The following SOX6 variants were observed in gnomAD, a reference collection of about 807,000 sequenced individuals.
SOX6 encodes the protein transcription factor SOX-6.
SOX6 carries 11 observed loss-of-function variants against 97.8 expected under a neutral mutation model. The ratio of observed to expected loss-of-function variants is 0.11; its 90% CI spans 0.07 to 0.19. The LOEUF is 0.19. SOX6 is among the 10% of genes least tolerant of loss of function. The probability of loss-of-function intolerance (pLI) is 1.00; values close to 1 mark genes in which losing one functional copy is unlikely to be tolerated. For synonymous variants in SOX6, 360 were observed against 371.4 expected, an observed-to-expected ratio of 0.97 and a Z score of 0.35; for missense variants, 810 against 1,039.5, an observed-to-expected ratio of 0.78 and a Z score of 3.04.
chr11:16,567,733 AT>A (rs58565035), intron 4 of SOX6, among the ~76,000 whole-genome samples: 24 of 129,608 alleles, frequency 1.9e-4, no homozygotes, highest in East Asian at 1.1e-3. Context: ...CGCCTGGCTG[AT>A]TTTTTTTTTT....
chr11:16,080,438 C>A (rs186477764), intron 9 of SOX6, among the ~76,000 whole-genome samples: 1 of 152,146 alleles, frequency 6.6e-6, no homozygotes, highest in African/African-American at 2.4e-5. Flanking sequence ...AACAATAGAA[C>A]CTACTCTGAA....
chr11:16,250,288 C>CTTT lies in SOX6; in HGVS notation c.446-15620_446-15618dup, dbSNP rs10644787. On this transcript the variant is annotated intron_variant, in intron 3 of 15. Coordinates refer to ENST00000683767, the MANE Select transcript of SOX6 (RefSeq NM_001367873.1). ...ACATAATTGCAAGCCACGGCCTTGC[C>CTTT]TTTTTTAGAATAATAGAATATCAAG... is the stretch of plus-strand genomic sequence containing the variant. Among the ~76,000 whole-genome samples, 12 of 151,506 alleles carry CTTT rather than the reference C, an allele frequency of 7.9e-5. No individual in the cohort carries two copies. The East Asian group carries it at 2.1e-3, about 27-fold the overall frequency.
intron 3 of SOX6, among the ~76,000 whole-genome samples, chr11:16,713,032 T>C (rs1308361568): frequency 6.6e-6 from 1 of 152,126 alleles, no homozygotes; most frequent in Non-Finnish European, 1.5e-5. Flanking sequence ...AATAAAAAAC[T>C]GAGATCCAGA....
intron 2 of SOX6, among the ~76,000 whole-genome samples, chr11:16,720,890 C>A (rs530981294): frequency 1.3e-5 from 2 of 152,148 alleles, no homozygotes; most frequent in East Asian, 3.9e-4. Context: ...AGTAACTTTT[C>A]GAAGTTGAGA....
At chr11:16,217,853 G>A (rs1019300255) in intron 4 of SOX6, among the ~76,000 whole-genome samples, 1 of 151,956 alleles carries the variant, frequency 6.6e-6, no homozygotes, top group Non-Finnish European at 1.5e-5. Flanking sequence ...TCCCATGATT[G>A]ACAAACAGAT....
chr11:16,423,828 T>A (rs1427588694), intron 1 of SOX6, among the ~76,000 whole-genome samples: 5 of 151,916 alleles, frequency 3.3e-5, no homozygotes, highest in Non-Finnish European at 7.4e-5. Context: ...AAGTACAGAG[T>A]GAAAACAGCA....
chr11:16,107,098 A>G (rs549139386), intron 7 of SOX6, among the ~76,000 whole-genome samples: 2 of 152,180 alleles, frequency 1.3e-5, no homozygotes, highest in African/African-American at 2.4e-5. Context: ...AACAAGTGTT[A>G]GCAACAATGT....
At chr11:16,514,818 T>A (rs948663137) in intron 4 of SOX6, among the ~76,000 whole-genome samples, 1 of 151,522 alleles carries the variant, frequency 6.6e-6, no homozygotes, top group Non-Finnish European at 1.5e-5. Context: ...GTGCTTGCGA[T>A]AGTTTACTGA....
At chr11:16,661,053 A>G (rs1847762423) in intron 3 of SOX6, among the ~76,000 whole-genome samples, 1 of 152,218 alleles carries the variant, frequency 6.6e-6, no homozygotes, top group South Asian at 2.1e-4. Flanking sequence ...TGTGTTAAAG[A>G]TTCCAACAAT....
intron 1 of SOX6, among the ~76,000 whole-genome samples, chr11:16,433,868 T>A (rs1859318521): frequency 1.3e-5 from 2 of 152,108 alleles, no homozygotes; most frequent in African/African-American, 4.8e-5. Context: ...TGTATATATG[T>A]TGTAGCTAAT....
intron 4 of SOX6, among the ~76,000 whole-genome samples, chr11:16,202,472 C>A (rs1851966886): frequency 6.6e-6 from 1 of 151,922 alleles, no homozygotes; most frequent in Non-Finnish European, 1.5e-5. Flanking sequence ...GAATAAATTC[C>A]ACGAAAAAAA....
chr11:16,714,757 T>C (rs1000313348), intron 3 of SOX6: 1 of 151,688 alleles, frequency 6.6e-6, no homozygotes, highest in African/African-American at 2.4e-5. Flanking sequence ...GCCGTTGTCT[T>C]TTAATTTTCA....
intron 3 of SOX6, among the ~76,000 whole-genome samples, chr11:16,235,954 G>C (rs528372310): frequency 6.6e-6 from 1 of 152,094 alleles, no homozygotes; most frequent in Non-Finnish European, 1.5e-5. Context: ...ATCCAGATCA[G>C]TGTGTTGTAA....
chr11:16,287,605 T>C (rs956538960), intron 3 of SOX6, among the ~76,000 whole-genome samples: 1 of 152,126 alleles, frequency 6.6e-6, no homozygotes, highest in Non-Finnish European at 1.5e-5. Flanking sequence ...ATTCAATACA[T>C]TAATCATTAA....
At chr11:16,639,864 A>C (rs1237822910) in intron 3 of SOX6, among the ~76,000 whole-genome samples, 1 of 152,170 alleles carries the variant, frequency 6.6e-6, no homozygotes, top group East Asian at 1.9e-4. Flanking sequence ...AACAGGGACA[A>C]TTTGACTTCC....
chr11:15,992,057 C>T (rs1043408461), intron 13 of SOX6, among the ~76,000 whole-genome samples: 6 of 152,184 alleles, frequency 3.9e-5, no homozygotes, highest in African/African-American at 1.4e-4. Flanking sequence ...TTCTCTGGGA[C>T]TCACATGTAA....
At chr11:16,460,397 CAGA>C (rs1395856766) in intron 1 of SOX6, among the ~76,000 whole-genome samples, 2 of 151,916 alleles carry the variant, frequency 1.3e-5, no homozygotes, top group African/African-American at 4.8e-5. Context: ...ACCTCATGTC[CAGA>C]AGATCTCTGA....
chr11:16,414,529 T>A (rs1349583287), intron 1 of SOX6, among the ~76,000 whole-genome samples: 1 of 152,100 alleles, frequency 6.6e-6, no homozygotes, highest in Non-Finnish European at 1.5e-5. Flanking sequence ...TATGGTCATG[T>A]AGTAAGATGG....
chr11:15,998,240 T>C (rs1321073711), intron 13 of SOX6, among the ~76,000 whole-genome samples: 7 of 151,208 alleles, frequency 4.6e-5, no homozygotes, highest in Admixed American at 4.6e-4. Flanking sequence ...ATTAACAGTA[T>C]TGCAATGAAC....
Sources: allele counts gnomAD v4.1 joint callset (sites outside exome capture counted in the v4.1 genomes callset), GRCh38; gene constraint gnomAD v4.1.1; transcripts MANE v1.5; gene names NCBI Gene and HGNC (gene_info 2026-07-23, HGNC 2026-07-21).